NRG1: variants seen among roughly 807,000 people sequenced by gnomAD.
NRG1 encodes neuregulin 1, also known as pro-neuregulin-1, membrane-bound isoform.
A neutral mutation model predicts 63.8 loss-of-function variants in NRG1; 18 were observed. The observed-to-expected ratio is 0.28, with a 90% CI of 0.19 to 0.42. The LOEUF is 0.42. NRG1 is among the 10% of genes least tolerant of loss of function. The pLI, the probability that NRG1 is intolerant of heterozygous loss-of-function variation, is 1.00. For synonymous variants in NRG1, 302 were observed against 301.3 expected (o/e 1.00, Z -0.02); for missense variants, 762 against 814.7 (o/e 0.94, Z 0.79).
At chr8:32,548,628 C>T (rs767413784) in exon 1 of NRG1, 8 of 1,442,870 alleles carry the variant, frequency 5.5e-6, no homozygotes, top group Non-Finnish European at 7.3e-6. Context: ...CTCGCTCTCC[C>T]CCTCGAGGGA....
At chr8:31,887,988 T>C (rs528260567) in intron 1 of NRG1, among the ~76,000 whole-genome samples, 1 of 151,678 alleles carries the variant, frequency 6.6e-6, no homozygotes, top group South Asian at 2.1e-4. Context: ...ATATATTACA[T>C]ATCAATATAT....
chr8:31,942,281 T>C (rs1801867778), intron 1 of NRG1, among the ~76,000 whole-genome samples: 1 of 151,748 alleles, frequency 6.6e-6, no homozygotes, highest in Non-Finnish European at 1.5e-5. Context: ...AAAAACAAAG[T>C]GGGGAAAGGA....
At chr8:32,286,569 G>A (rs1458333692) in intron 1 of NRG1, among the ~76,000 whole-genome samples, 1 of 152,216 alleles carries the variant, frequency 6.6e-6, no homozygotes, top group African/African-American at 2.4e-5. Context: ...TGCCATTCTG[G>A]CAGGATCCAG....
chr8:32,603,829 G>A (rs1175983181), intron 2 of NRG1, among the ~76,000 whole-genome samples: 2 of 152,108 alleles, frequency 1.3e-5, no homozygotes, highest in Non-Finnish European at 2.9e-5. Flanking sequence ...CCCCTGGTCT[G>A]GACCACCTCT....
At chr8:32,556,126 G>A (rs552009918) in intron 1 of NRG1, among the ~76,000 whole-genome samples, 1 of 152,298 alleles carries the variant, frequency 6.6e-6, no homozygotes, top group South Asian at 2.1e-4. Flanking sequence ...ATACCTGGCT[G>A]AATATTGTCC....
At chr8:32,117,625 G>C (rs117565203) in intron 1 of NRG1, among the ~76,000 whole-genome samples, 2 of 152,008 alleles carry the variant, frequency 1.3e-5, no homozygotes, top group African/African-American at 4.8e-5. Context: ...GTTATAGCTA[G>C]TGATTCACAA....
chr8:32,551,516 A>G (rs1045100113), intron 1 of NRG1, among the ~76,000 whole-genome samples: 1 of 152,170 alleles, frequency 6.6e-6, no homozygotes, highest in Non-Finnish European at 1.5e-5. Flanking sequence ...CATCTGTTGG[A>G]GGGAAATTTT....
chr8:32,338,620 C>T (rs1219556804), intron 1 of NRG1, among the ~76,000 whole-genome samples: 2 of 151,942 alleles, frequency 1.3e-5, no homozygotes, highest in African/African-American at 2.4e-5. Flanking sequence ...TTTGGAGAAT[C>T]TTCATTCTCA....
chr8:32,759,843 TACCAAG>T (rs139519443), intron 10 of NRG1, among the ~76,000 whole-genome samples: 1 of 152,266 alleles, frequency 6.6e-6, no homozygotes, highest in Non-Finnish European at 1.5e-5. Context: ...GCACTTACTC[TACCAAG>T]ACCAACACTA....
chr8:31,836,700 T>C (rs745705384), intron 1 of NRG1, among the ~76,000 whole-genome samples: 11 of 152,110 alleles, frequency 7.2e-5, no homozygotes, highest in Non-Finnish European at 1.2e-4. Flanking sequence ...GATGAATATT[T>C]ACTTCCTTTC....
rs1186258246 is a variant in NRG1 at position 32,728,752 on chromosome 8, G to T, written c.632+674G>T. 1.2e-5 allele frequency: 9 copies of T among 726,436 alleles called. No individual in the cohort carries two copies. The African/African-American group carries it at 1.7e-4, about 14-fold the overall frequency. 45.0% of individuals were successfully genotyped at this position (726,436 alleles called of 1,614,324 possible). A position where few individuals can be genotyped will look rare whatever the true frequency, so the allele number is the denominator to read the frequency against. On this transcript the variant is annotated intron_variant, in intron 6 of 11. Coordinates refer to ENST00000356819, the Ensembl canonical transcript of NRG1. ...ACTGTCTTTCCAATGACCTGAAGGA[G>T]TTGATGCACCATTAAGAAGTATCCA... is the stretch of plus-strand genomic sequence containing the variant.
chr8:31,747,430 G>T (rs555948706), intron 1 of NRG1, among the ~76,000 whole-genome samples: 1 of 152,090 alleles, frequency 6.6e-6, no homozygotes, highest in South Asian at 2.1e-4. Context: ...AGTCTCATAT[G>T]GAGTGACAAA....
chr8:32,680,956 G>A (rs1281201140), intron 5 of NRG1, among the ~76,000 whole-genome samples: 2 of 151,242 alleles, frequency 1.3e-5, no homozygotes, highest in Non-Finnish European at 2.9e-5. Flanking sequence ...AAGTATCTAA[G>A]ATGTTCTGTA....
At chr8:31,798,981 T>G (rs1821499748) in intron 1 of NRG1, among the ~76,000 whole-genome samples, 1 of 152,186 alleles carries the variant, frequency 6.6e-6, no homozygotes, top group African/African-American at 2.4e-5. Context: ...AACATCATTT[T>G]ATTTGGCAGT....
chr8:31,970,112 G>A (rs553318364), intron 1 of NRG1, among the ~76,000 whole-genome samples: 24 of 152,204 alleles, frequency 1.6e-4, no homozygotes, highest in Admixed American at 2.6e-4. Context: ...GCTTTCAAGC[G>A]TATCTTTCCA....
intron 1 of NRG1, among the ~76,000 whole-genome samples, chr8:32,491,524 A>T (rs1826556031): frequency 6.6e-6 from 1 of 152,202 alleles, no homozygotes; most frequent in Admixed American, 6.5e-5. Flanking sequence ...GTGCAAACGA[A>T]GTAGAAGCTT....
intron 5 of NRG1, among the ~76,000 whole-genome samples, chr8:32,693,495 C>A (rs571794407): frequency 6.7e-6 from 1 of 149,264 alleles, no homozygotes; most frequent in Non-Finnish European, 1.5e-5. Flanking sequence ...GGATTACAGG[C>A]GTGAGCCACC....
intron 1 of NRG1, among the ~76,000 whole-genome samples, chr8:31,823,150 T>G (rs1300201136): frequency 1.4e-5 from 2 of 145,852 alleles, no homozygotes; most frequent in African/African-American, 2.5e-5. Flanking sequence ...TTGGTAGTTC[T>G]TGCACCAAGT....
intron 1 of NRG1, among the ~76,000 whole-genome samples, chr8:31,711,837 C>A (rs1320029999): frequency 6.6e-6 from 1 of 152,140 alleles, no homozygotes; most frequent in Non-Finnish European, 1.5e-5. Flanking sequence ...ACTGTATCCT[C>A]ACGTAATGGA....
Sources: allele counts gnomAD v4.1 joint callset (sites outside exome capture counted in the v4.1 genomes callset), GRCh38; gene constraint gnomAD v4.1.1; transcripts MANE v1.5; gene names NCBI Gene and HGNC (gene_info 2026-07-23, HGNC 2026-07-21).